Variants in FBXL7 observed in about 807,000 individuals in gnomAD.
FBXL7 encodes F-box and leucine rich repeat protein 7.
In FBXL7, 12 loss-of-function variants were observed where a neutral mutation model predicts 38.3. That is an observed-to-expected ratio of 0.31 (90% CI 0.20 to 0.51). The LOEUF is 0.51. Ranked by LOEUF, FBXL7 falls within the 20% of genes least tolerant of loss-of-function variation. The pLI is 0.98. For missense variants in FBXL7, 567 were observed against 676.4 expected (o/e 0.84, Z 1.79); for synonymous variants, 297 against 300.9 (o/e 0.99, Z 0.13).
At chr5:15,680,373 T>C (rs555537105) in intron 2 of FBXL7, among the ~76,000 whole-genome samples, 8 of 152,322 alleles carry the variant, frequency 5.3e-5, no homozygotes, top group African/African-American at 1.9e-4. Flanking sequence ...TGCTGCACTT[T>C]TGCAATGTGC....
chr5:15,533,596 C>T (rs1008319544), intron 1 of FBXL7, among the ~76,000 whole-genome samples: 9 of 152,116 alleles, frequency 5.9e-5, no homozygotes, highest in Admixed American at 5.9e-4. Context: ...AAAATCACAT[C>T]AGAATATCGG....
At chr5:15,789,519 G>A (rs1293364491) in intron 2 of FBXL7, among the ~76,000 whole-genome samples, 1 of 152,128 alleles carries the variant, frequency 6.6e-6, no homozygotes, top group African/African-American at 2.4e-5. Context: ...AGCGTTCAAG[G>A]CAGTCACCCA....
chr5:15,521,188 C>T (rs1737088194), intron 1 of FBXL7, among the ~76,000 whole-genome samples: 1 of 152,174 alleles, frequency 6.6e-6, no homozygotes, highest in African/African-American at 2.4e-5. Context: ...TTCTTCCCTC[C>T]AAGAGTTGTC....
intron 2 of FBXL7, among the ~76,000 whole-genome samples, chr5:15,794,261 T>G (rs1737357145): frequency 6.6e-6 from 1 of 152,202 alleles, no homozygotes; most frequent in South Asian, 2.1e-4. Flanking sequence ...TTTTTAACAC[T>G]CAGACTGTTT....
intron 1 of FBXL7, among the ~76,000 whole-genome samples, chr5:15,529,386 ACTT>A (rs939137178): frequency 6.7e-6 from 1 of 149,858 alleles, no homozygotes; most frequent in Non-Finnish European, 1.5e-5. Flanking sequence ...TTGTAACCTA[ACTT>A]CTTTTTTTTT....
At chr5:15,809,653 G>GA (rs201381863) in intron 2 of FBXL7, among the ~76,000 whole-genome samples, 44 of 144,488 alleles carry the variant, frequency 3.0e-4, no homozygotes, top group Middle Eastern at 3.4e-3. Flanking sequence ...TCAATTTAAA[G>GA]AAAAAAAAAA....
intron 2 of FBXL7, among the ~76,000 whole-genome samples, chr5:15,903,011 G>A (rs16867817): frequency 0.033 from 5,059 of 152,296 alleles, 289 homozygotes; most frequent in African/African-American, 0.12. Context: ...GGGCAGGAAA[G>A]ATACAGCATC....
intron 1 of FBXL7, among the ~76,000 whole-genome samples, chr5:15,532,573 A>G (rs994277598): frequency 1.3e-5 from 2 of 152,216 alleles, no homozygotes; most frequent in Admixed American, 6.5e-5. Context: ...CCCTTCAAAA[A>G]CTTTACTGAC....
At chr5:15,823,195 G>A (rs1738218603) in intron 2 of FBXL7, among the ~76,000 whole-genome samples, 1 of 152,196 alleles carries the variant, frequency 6.6e-6, no homozygotes, top group African/African-American at 2.4e-5. Context: ...GTGGGTGTAT[G>A]TGCTTATTTG....
chr5:15,679,753 C>T (rs967846869), intron 2 of FBXL7, among the ~76,000 whole-genome samples: 8 of 152,016 alleles, frequency 5.3e-5, no homozygotes, highest in African/African-American at 1.9e-4. Flanking sequence ...TGGTAACAGC[C>T]GACTGGCTCC....
intron 2 of FBXL7, among the ~76,000 whole-genome samples, chr5:15,662,676 A>G (rs540223709): frequency 6.6e-6 from 1 of 152,240 alleles, no homozygotes; most frequent in East Asian, 1.9e-4. Context: ...TCATTTTTGT[A>G]TATGGTGTCC....
At chr5:15,809,617 T>C (rs2126751200) in intron 2 of FBXL7, among the ~76,000 whole-genome samples, 1 of 152,006 alleles carries the variant, frequency 6.6e-6, no homozygotes, top group East Asian at 1.9e-4. Context: ...TGCACATAAA[T>C]GCTTTATACT....
At position 15,915,192 on chromosome 5, in the gene FBXL7, C is replaced by A. The variant is rs368809853; in HGVS notation, c.128-12698C>A. On this transcript the variant is annotated intron_variant, in intron 2 of 3. Transcript: ENST00000504595. ...GGGTAGTGTTCCGTACAATGCCTGG[C>A]ATATAGTAAGCATTCAATATAAAAG... Among the ~76,000 whole-genome samples, 8 of 152,300 alleles carry A rather than the reference C, an allele frequency of 5.3e-5. 1 individual carries two copies. The South Asian group carries it at 1.7e-3, about 32-fold the overall frequency.
At chr5:15,700,586 C>T (rs1029191903) in intron 2 of FBXL7, among the ~76,000 whole-genome samples, 1 of 152,190 alleles carries the variant, frequency 6.6e-6, no homozygotes, top group Admixed American at 6.5e-5. Flanking sequence ...TTAGCCCTTT[C>T]CTCAGCAAAT....
chr5:15,653,416 C>G (rs947936574), intron 2 of FBXL7, among the ~76,000 whole-genome samples: 10 of 151,980 alleles, frequency 6.6e-5, no homozygotes, highest in African/African-American at 2.4e-4. Context: ...GGAAAGAAAC[C>G]CCCTAAGACT....
intron 2 of FBXL7, among the ~76,000 whole-genome samples, chr5:15,796,705 AG>A (rs1367567493): frequency 6.6e-6 from 1 of 152,212 alleles, no homozygotes; most frequent in African/African-American, 2.4e-5. Flanking sequence ...GCACCTCAGC[AG>A]GGAGTATTTT....
At chr5:15,649,515 G>A (rs1197011663) in intron 2 of FBXL7, among the ~76,000 whole-genome samples, 2 of 152,054 alleles carry the variant, frequency 1.3e-5, no homozygotes, top group African/African-American at 2.4e-5. Context: ...GCAGAGAAGG[G>A]AACAAAAGAG....
chr5:15,825,434 T>C (rs1340050001), intron 2 of FBXL7, among the ~76,000 whole-genome samples: 3 of 152,152 alleles, frequency 2.0e-5, no homozygotes, highest in African/African-American at 7.2e-5. Flanking sequence ...AAACACCATA[T>C]ACATTGTTGT....
chr5:15,861,364 A>C (rs1252203066), intron 2 of FBXL7, among the ~76,000 whole-genome samples: 1 of 152,236 alleles, frequency 6.6e-6, no homozygotes, highest in East Asian at 1.9e-4. Context: ...AATGCTTGAG[A>C]TCTTCTGTCA....
Sources: allele counts gnomAD v4.1 joint callset (sites outside exome capture counted in the v4.1 genomes callset), GRCh38; gene constraint gnomAD v4.1.1; transcripts MANE v1.5; gene names NCBI Gene and HGNC (gene_info 2026-07-23, HGNC 2026-07-21).